Variants in PRKCQ observed in about 807,000 individuals in gnomAD.
PRKCQ encodes the protein protein kinase C theta type.
A neutral mutation model predicts 91.2 loss-of-function variants in PRKCQ; 41 were observed. That is an observed-to-expected ratio of 0.45 (90% CI 0.35 to 0.58). PRKCQ has a LOEUF of 0.58. Among genes scored for constraint, PRKCQ ranks in the 20% least tolerant of loss-of-function variants. The probability of loss-of-function intolerance (pLI) is 0.00; values close to 1 mark genes in which losing one functional copy is unlikely to be tolerated. For synonymous variants in PRKCQ, 307 were observed against 316.9 expected, an observed-to-expected ratio of 0.97 and a Z score of 0.33; for missense variants, 673 against 896.5, an observed-to-expected ratio of 0.75 and a Z score of 3.18.
At chr10:6,524,813 T>A (rs1839137609) in intron 1 of PRKCQ, among the ~76,000 whole-genome samples, 1 of 152,194 alleles carries the variant, frequency 6.6e-6, no homozygotes, top group African/African-American at 2.4e-5. Context: ...GTCTGGATCC[T>A]CGGGCCCCAG....
chr10:6,426,830 T>TTGTC (rs1833135805), downstream of PRKCQ, among the ~76,000 whole-genome samples: 1 of 152,216 alleles, frequency 6.6e-6, no homozygotes, highest in Non-Finnish European at 1.5e-5. Flanking sequence ...TCCTCACCCT[T>TTGTC]TGTCTTACTC....
Position 6,430,853 on chromosome 10 carries a change from T to G in PRKCQ, c.1922A>C (p.Glu641Ala). 6.2e-7 allele frequency: 1 copy of G among 1,614,120 alleles called. No individual in the cohort carries two copies. The highest frequency in any genetic ancestry group is 8.5e-7 in the Non-Finnish European group (1 of 1,180,036). ...TGGGTCAATCTCCTTCCGTTCAAGT[T>G]CCTCCCAGTTGATCTCCCGAAACAA... Reference protein sequence around the residue: ...HPLFREINWEELERKEIDPPF... With the variant: ...HPLFREINWEALERKEIDPPF... The change falls in exon 17 of 18, where the codon GAA (glutamate) becomes GCA (alanine). Residue 641 changes from glutamate (E) to alanine (A), a missense_variant. Glu to Ala is a moderately radical substitution (Grantham distance 107). Coordinates refer to ENST00000263125, the MANE Select transcript of PRKCQ (RefSeq NM_006257.5). The surrounding 1 kb of genome is among the most constrained non-coding windows in gnomAD (Gnocchi z 4.7).
chr10:6,458,645 C>T (rs1030216992), intron 14 of PRKCQ, among the ~76,000 whole-genome samples: 15 of 152,208 alleles, frequency 9.9e-5, no homozygotes, highest in African/African-American at 3.6e-4. Flanking sequence ...GGCCGGCTGG[C>T]TCCGCCTCAC....
chr10:6,415,762 G>C, the PRKCQ span, among the ~76,000 whole-genome samples: 1 of 54,896 alleles, frequency 1.8e-5, no homozygotes, highest in Non-Finnish European at 4.2e-5. Flanking sequence ...TTTTTTTTTT[G>C]AGACAGAGTC....
Position 6,482,060 on chromosome 10 carries a change from G to C in PRKCQ, c.1179+1380C>G, listed in dbSNP as rs531272823. ...CTCTCCTTGTCATCTGTGAGTGATG[G>C]AGACAACCCCCCACCTGCATGTATG... On this transcript the variant is annotated intron_variant, in intron 11 of 17. Coordinates refer to ENST00000263125, the MANE Select transcript of PRKCQ (RefSeq NM_006257.5). 9.3e-5 allele frequency among the ~76,000 whole-genome samples: 14 copies of C among 150,504 alleles called. No homozygotes were observed. The East Asian group carries it at 2.7e-3, about 29-fold the overall frequency.
Position 6,465,667 on chromosome 10 carries a change from C to T in PRKCQ, c.1354-1263G>A, listed in dbSNP as rs1165137076. On this transcript the variant is annotated intron_variant, in intron 12 of 17. Transcript: ENST00000263125. The surrounding 1 kb of genome is among the most constrained non-coding windows in gnomAD (Gnocchi z 4.4). ...GTTTTGATGTGAACCCAACCGAGGC[C>T]GTGGGGCATAGGAGGTAATAGTAGA... 1.3e-5 allele frequency among the ~76,000 whole-genome samples: 2 copies of T among 152,170 alleles called. No individual in the cohort carries two copies. The highest frequency in any genetic ancestry group is 2.4e-5 in the African/African-American group (1 of 41,434).
intron 1 of PRKCQ, among the ~76,000 whole-genome samples, chr10:6,561,826 T>C (rs1472974533): frequency 6.6e-6 from 1 of 152,160 alleles, no homozygotes; most frequent in Non-Finnish European, 1.5e-5. Context: ...TGTATGTTGA[T>C]ATGATAGAAC....
intron 11 of PRKCQ, among the ~76,000 whole-genome samples, chr10:6,481,744 T>C (rs896355076): frequency 2.0e-5 from 3 of 152,234 alleles, no homozygotes; most frequent in East Asian, 1.9e-4. Flanking sequence ...TTGTGGTGTA[T>C]AATGCTGCCT....
At chr10:6,475,758 T>G (rs1190571303) in intron 12 of PRKCQ, among the ~76,000 whole-genome samples, 1 of 152,242 alleles carries the variant, frequency 6.6e-6, no homozygotes, top group African/African-American at 2.4e-5. Context: ...TTGCATTCAC[T>G]TGTGGTATTT....
At chr10:6,575,789 C>G (rs1841207317) in intron 1 of PRKCQ, among the ~76,000 whole-genome samples, 1 of 152,190 alleles carries the variant, frequency 6.6e-6, no homozygotes, top group Non-Finnish European at 1.5e-5. Context: ...CGCCTGTAAT[C>G]TCAGCACTTT....
chr10:6,415,679 T>C, the PRKCQ span, among the ~76,000 whole-genome samples: 1 of 151,696 alleles, frequency 6.6e-6, no homozygotes, highest in African/African-American at 2.4e-5. Flanking sequence ...TCTGGGATTG[T>C]TTGGGTCAAA....
chr10:6,498,502 G>A lies in PRKCQ; in HGVS notation c.436C>T (p.Arg146Trp), dbSNP rs1837738573. 6.2e-7 allele frequency: 1 copy of A among 1,614,124 alleles called. No individual in the cohort carries two copies. Among genetic ancestry groups the A allele is most frequent in the Non-Finnish European group, 8.5e-7 (1 of 1,180,016 alleles). Reference protein sequence around the residue: ...TEGFFALHQRRGAIKQAKVHH... With the variant: ...TEGFFALHQRWGAIKQAKVHH... Reference sequence around the variant, plus strand: ...ACCTTTGCCTGCTTGATGGCACCCCGGCGCTGATGCAAAGCAAAGAAGCCT... The same window carrying A: ...ACCTTTGCCTGCTTGATGGCACCCCAGCGCTGATGCAAAGCAAAGAAGCCT... Residue 146 changes from arginine to tryptophan, a missense_variant, in exon 5 of 18, where the codon CGG becomes TGG. Coordinates refer to ENST00000263125, the MANE Select transcript of PRKCQ (RefSeq NM_006257.5).
intron 16 of PRKCQ, among the ~76,000 whole-genome samples, chr10:6,435,131 A>G (rs1833636663): frequency 6.6e-6 from 1 of 152,116 alleles, no homozygotes. Flanking sequence ...TTCTTTGGCA[A>G]TCATCAACTG....
chr10:6,529,593 G>A (rs1041292030), intron 1 of PRKCQ, among the ~76,000 whole-genome samples: 2 of 152,140 alleles, frequency 1.3e-5, no homozygotes, highest in African/African-American at 4.8e-5. Context: ...TTGCATGGCC[G>A]AGTTCAAAAA....
chr10:6,540,271 G>T (rs148243389), intron 1 of PRKCQ, among the ~76,000 whole-genome samples: 1 of 152,112 alleles, frequency 6.6e-6, no homozygotes, highest in Non-Finnish European at 1.5e-5. Flanking sequence ...ATTTTTAATT[G>T]TATAGTTCAG....
the PRKCQ span, among the ~76,000 whole-genome samples, chr10:6,403,804 G>A: frequency 6.6e-6 from 1 of 150,866 alleles, no homozygotes; most frequent in African/African-American, 2.4e-5. Flanking sequence ...GTTGGTGCTC[G>A]ATAATTGTTT....
At chr10:6,446,144 AC>A (rs201225679) in intron 15 of PRKCQ, among the ~76,000 whole-genome samples, 3 of 151,726 alleles carry the variant, frequency 2.0e-5, no homozygotes, top group African/African-American at 7.3e-5. Flanking sequence ...ATTGATAAGA[AC>A]CCCCCTGAGC....
At chr10:6,579,891 C>T (rs1841400262) in intron 1 of PRKCQ, among the ~76,000 whole-genome samples, 1 of 151,492 alleles carries the variant, frequency 6.6e-6, no homozygotes, top group African/African-American at 2.4e-5. Flanking sequence ...TTCTTCCCTC[C>T]CCGCAGGCCC....
At chr10:6,471,062 TCTC>T (rs1224113460) in intron 12 of PRKCQ, among the ~76,000 whole-genome samples, 2 of 151,960 alleles carry the variant, frequency 1.3e-5, no homozygotes, top group Non-Finnish European at 2.9e-5. Context: ...AAGATAGACT[TCTC>T]CTCTGCAGTT....
Sources: allele counts gnomAD v4.1 joint callset (sites outside exome capture counted in the v4.1 genomes callset), GRCh38; gene constraint gnomAD v4.1.1; non-coding constraint Gnocchi (gnomAD v3.1); transcripts MANE v1.5; gene names NCBI Gene and HGNC (gene_info 2026-07-23, HGNC 2026-07-21).